Variants in ALK observed in about 807,000 individuals in gnomAD.
ALK encodes the protein ALK receptor tyrosine kinase, also known as ALK tyrosine kinase receptor.
In ALK, 74 loss-of-function variants were observed where a neutral mutation model predicts 163.1. That is an observed-to-expected ratio of 0.45 (90% CI 0.38 to 0.55). The LOEUF (loss-of-function observed/expected upper bound fraction) is 0.55. ALK is among the 20% of genes least tolerant of loss of function. ALK has a pLI of 0.00. For missense variants in ALK, 2,063 were observed against 2,105.3 expected (o/e 0.98, Z 0.39); for synonymous variants, 960 against 843.2 (o/e 1.14, Z -2.40).
At chr2:29,201,976 C>T (rs1669192187) in intron 26 of ALK, among the ~76,000 whole-genome samples, 2 of 152,064 alleles carry the variant, frequency 1.3e-5, no homozygotes, top group African/African-American at 4.8e-5. Context: ...GATCATATCA[C>T]ACTCCTGCTT....
At chr2:29,571,354 C>T (rs932674741) in intron 3 of ALK, among the ~76,000 whole-genome samples, 13 of 152,168 alleles carry the variant, frequency 8.5e-5, no homozygotes, top group African/African-American at 2.7e-4. Flanking sequence ...GCAATCCCCA[C>T]GTGTCAAGGG....
chr2:29,225,249 CAG>C (rs1238108588), intron 19 of ALK, among the ~76,000 whole-genome samples: 6 of 152,132 alleles, frequency 3.9e-5, no homozygotes, highest in Admixed American at 6.5e-5. Flanking sequence ...GGTGCAGAAT[CAG>C]GGGCTCCTCA....
chr2:29,379,104 G>A (rs1020889095), intron 5 of ALK, among the ~76,000 whole-genome samples: 20 of 152,134 alleles, frequency 1.3e-4, no homozygotes, highest in African/African-American at 4.1e-4. Context: ...GAGGGGTCCC[G>A]GTGAGTGTCC....
At chr2:29,741,810 G>A (rs1289486130) in intron 1 of ALK, among the ~76,000 whole-genome samples, 1 of 152,154 alleles carries the variant, frequency 6.6e-6, no homozygotes, top group Non-Finnish European at 1.5e-5. Flanking sequence ...CTCTGACATG[G>A]GATCCAAGCT....
chr2:29,614,153 T>A (rs1249026466), intron 3 of ALK, among the ~76,000 whole-genome samples: 1 of 152,124 alleles, frequency 6.6e-6, no homozygotes, highest in African/African-American at 2.4e-5. Context: ...CCTGCTTCTC[T>A]CGGGTCCTCG....
At chr2:29,334,657 A>C (rs1022566809) in intron 5 of ALK, among the ~76,000 whole-genome samples, 2 of 152,126 alleles carry the variant, frequency 1.3e-5, no homozygotes, top group Non-Finnish European at 2.9e-5. Flanking sequence ...TCCTGGGTGG[A>C]AGCACAGCAG....
intron 4 of ALK, among the ~76,000 whole-genome samples, chr2:29,388,349 C>A (rs1346847462): frequency 6.6e-6 from 1 of 152,176 alleles, no homozygotes; most frequent in Admixed American, 6.5e-5. Flanking sequence ...TGTGCAATAT[C>A]CCAGTGGGCA....
chr2:29,388,981 T>C (rs1157175724), intron 4 of ALK, among the ~76,000 whole-genome samples: 1 of 152,214 alleles, frequency 6.6e-6, no homozygotes, highest in Non-Finnish European at 1.5e-5. Context: ...GGCCTCCATC[T>C]CACTTAGAGT....
chr2:29,847,451 C>A (rs1462068918), intron 1 of ALK, among the ~76,000 whole-genome samples: 2 of 152,148 alleles, frequency 1.3e-5, no homozygotes, highest in Non-Finnish European at 2.9e-5. Flanking sequence ...CAGGTACATA[C>A]TTAATGTTAT....
intron 1 of ALK, among the ~76,000 whole-genome samples, chr2:29,867,569 C>G (rs1666466864): frequency 6.6e-6 from 1 of 152,156 alleles, no homozygotes; most frequent in Admixed American, 6.5e-5. Flanking sequence ...TGCCTCATAA[C>G]TTGGGATGTG....
At chr2:29,259,403 T>A (rs1381822292) in intron 11 of ALK, among the ~76,000 whole-genome samples, 4 of 152,202 alleles carry the variant, frequency 2.6e-5, no homozygotes, top group African/African-American at 9.6e-5. Context: ...TAAGTATTTA[T>A]ATTTATTGCT....
At chr2:29,395,229 C>T (rs555125662) in intron 4 of ALK, among the ~76,000 whole-genome samples, 1 of 152,176 alleles carries the variant, frequency 6.6e-6, no homozygotes, top group Non-Finnish European at 1.5e-5. Flanking sequence ...CCAAAGGCTC[C>T]ATTTCAGCCA....
At chr2:29,612,537 G>A (rs983721522) in intron 3 of ALK, among the ~76,000 whole-genome samples, 12 of 152,144 alleles carry the variant, frequency 7.9e-5, no homozygotes, top group South Asian at 4.1e-4. Flanking sequence ...AGGAGGAACC[G>A]TCCTACCCAG....
At chr2:29,305,972 G>A (rs570764760) in intron 8 of ALK, among the ~76,000 whole-genome samples, 1 of 152,272 alleles carries the variant, frequency 6.6e-6, no homozygotes, top group Admixed American at 6.5e-5. Context: ...AGCTCTGGCA[G>A]TAACGCGAGG....
rs111869991 is a variant in ALK at position 29,696,871 on chromosome 2, T to C, written c.788-1857A>G. Among the ~76,000 whole-genome samples, 1,057 of 151,198 alleles carry C rather than the reference T, an allele frequency of 7.0e-3. 8 individuals are homozygous for C. Among genetic ancestry groups the C allele is most frequent in the Non-Finnish European group, 0.011 (760 of 67,852 alleles). ...TGGGAGAAGCTGTCTTTAGAGCAAG[T>C]GCTCTCTCCTTCTCCATGCCTGGCC... On this transcript the variant is annotated intron_variant, in intron 2 of 28. Transcript: ENST00000389048.
chr2:29,381,377 G>A (rs1301786462), intron 5 of ALK, among the ~76,000 whole-genome samples: 1 of 152,256 alleles, frequency 6.6e-6, no homozygotes, highest in East Asian at 1.9e-4. Flanking sequence ...CACACACTGT[G>A]ATAAGTGTAA....
intron 1 of ALK, among the ~76,000 whole-genome samples, chr2:29,916,683 C>T (rs942640816): frequency 3.9e-5 from 6 of 152,210 alleles, no homozygotes; most frequent in Non-Finnish European, 8.8e-5. Context: ...CATGTATCCA[C>T]TTTCCTGGGT....
At chr2:29,317,962 C>T (rs1666883480) in intron 8 of ALK, among the ~76,000 whole-genome samples, 1 of 152,178 alleles carries the variant, frequency 6.6e-6, no homozygotes, top group South Asian at 2.1e-4. Context: ...ATTACAAGAG[C>T]TCAATGTTTT....
At chr2:29,332,092 T>C (rs13013613) in intron 5 of ALK, among the ~76,000 whole-genome samples, 86,104 of 151,070 alleles carry the variant, frequency 0.57, 24,939 homozygotes, top group Middle Eastern at 0.61. Context: ...CAAGACCATC[T>C]GGGCTAACAT....
Sources: allele counts gnomAD v4.1 joint callset (sites outside exome capture counted in the v4.1 genomes callset), GRCh38; gene constraint gnomAD v4.1.1; transcripts MANE v1.5; gene names NCBI Gene and HGNC (gene_info 2026-07-23, HGNC 2026-07-21).